LRRTM4: variants seen among roughly 807,000 people sequenced by gnomAD.
LRRTM4 encodes the protein leucine-rich repeat transmembrane neuronal protein 4.
In LRRTM4, 25 loss-of-function variants were observed where a neutral mutation model predicts 47.6. The observed-to-expected ratio is 0.53, with a 90% CI of 0.38 to 0.73. LRRTM4 has a LOEUF of 0.73. LRRTM4 is among the 30% of genes least tolerant of loss of function. The pLI, the probability that LRRTM4 is intolerant of heterozygous loss-of-function variation, is 0.00. For missense variants in LRRTM4, 638 were observed against 713.4 expected, an observed-to-expected ratio of 0.89 and a Z score of 1.20; for synonymous variants, 311 against 269.5, an observed-to-expected ratio of 1.15 and a Z score of -1.51.
intron 3 of LRRTM4, among the ~76,000 whole-genome samples, chr2:76,776,770 C>T: frequency 3.5e-5 from 5 of 143,020 alleles, no homozygotes; most frequent in African/African-American, 1.0e-4. Context: ...TAATTAGATC[C>T]CATTTGTCAA....
rs140195243 is a variant in LRRTM4 at position 76,888,111 on chromosome 2, T to C, written c.1552-139195A>G. Among the ~76,000 whole-genome samples the C allele has an allele frequency of 2.5e-4, 37 of 150,880 alleles. 1 individual carries two copies. The highest frequency in any genetic ancestry group is 2.1e-3 in the East Asian group (11 of 5,142). ...TATATAGTGTGTGTGTATATATACA[T>C]ATGTATACATATGTGTGTGTATATA... On this transcript the variant is annotated intron_variant, in intron 3 of 3. Transcript: ENST00000409884.
intron 3 of LRRTM4, among the ~76,000 whole-genome samples, chr2:76,904,713 A>T (rs1250651974): frequency 1.3e-5 from 2 of 152,050 alleles, no homozygotes; most frequent in Non-Finnish European, 2.9e-5. Flanking sequence ...TGACACTCAA[A>T]CTCCATACAC....
At chr2:76,841,281 G>C (rs1012038019) in intron 3 of LRRTM4, among the ~76,000 whole-genome samples, 9 of 151,096 alleles carry the variant, frequency 6.0e-5, no homozygotes, top group African/African-American at 2.4e-5. Flanking sequence ...GTTGTGGGGT[G>C]GGGGGAGTGG....
chr2:77,447,531 C>T (rs777978665), intron 3 of LRRTM4, among the ~76,000 whole-genome samples: 2 of 152,124 alleles, frequency 1.3e-5, no homozygotes, highest in Non-Finnish European at 2.9e-5. Context: ...ATTTCAATAA[C>T]CCTCCTTCTG....
At position 77,304,048 on chromosome 2, in the gene LRRTM4, G is replaced by T. The variant is rs186420835; in HGVS notation, c.1551+214270C>A. On this transcript the variant is annotated intron_variant, in intron 3 of 3. Transcript: ENST00000409884. ...AAACCTCCATACTGGTTTTCATAAT[G>T]GCTTTATTAATTTACATTCCCACCA... 5.7e-3 allele frequency among the ~76,000 whole-genome samples: 869 copies of T among 152,144 alleles called. 9 individuals are homozygous for T. The highest frequency in any genetic ancestry group is 5.4e-3 in the Non-Finnish European group (370 of 67,966).
At chr2:76,880,013 G>A (rs1672883916) in intron 3 of LRRTM4, among the ~76,000 whole-genome samples, 1 of 152,214 alleles carries the variant, frequency 6.6e-6, no homozygotes, top group Admixed American at 6.5e-5. Flanking sequence ...ATGAGGAGAT[G>A]CTCCTAATGG....
intron 3 of LRRTM4, among the ~76,000 whole-genome samples, chr2:77,293,519 G>C (rs985172341): frequency 6.6e-6 from 1 of 152,064 alleles, no homozygotes; most frequent in African/African-American, 2.4e-5. Context: ...TATTATTATT[G>C]ACATTCTCTT....
At chr2:77,201,177 T>TA (rs1332056367) in intron 3 of LRRTM4, among the ~76,000 whole-genome samples, 3 of 152,106 alleles carry the variant, frequency 2.0e-5, no homozygotes, top group Non-Finnish European at 4.4e-5. Context: ...AGAAAGAAAT[T>TA]AAAAACCTTT....
chr2:77,249,576 T>G (rs1408880898), intron 3 of LRRTM4, among the ~76,000 whole-genome samples: 1 of 152,140 alleles, frequency 6.6e-6, no homozygotes, highest in Non-Finnish European at 1.5e-5. Context: ...ATATTCCATA[T>G]TATATGTCAT....
intron 3 of LRRTM4, among the ~76,000 whole-genome samples, chr2:77,407,693 T>C (rs1209085378): frequency 7.4e-6 from 1 of 135,668 alleles, no homozygotes; most frequent in Non-Finnish European, 1.5e-5. Context: ...TAATATAATA[T>C]ATGATATATA....
At chr2:77,218,199 G>T (rs1242043578) in intron 3 of LRRTM4, among the ~76,000 whole-genome samples, 1 of 151,978 alleles carries the variant, frequency 6.6e-6, no homozygotes. Context: ...TCTTCATGTT[G>T]GTCAGGCTGG....
intron 3 of LRRTM4, among the ~76,000 whole-genome samples, chr2:76,878,327 A>T (rs1178933307): frequency 6.6e-6 from 1 of 152,028 alleles, no homozygotes; most frequent in Non-Finnish European, 1.5e-5. Flanking sequence ...CTGAGAGGCA[A>T]CCATATTGAA....
chr2:76,891,645 G>T lies in LRRTM4; in HGVS notation c.1552-142729C>A, dbSNP rs574509255. On this transcript the variant is annotated intron_variant, in intron 3 of 3. Coordinates refer to ENST00000409884, the MANE Select transcript of LRRTM4 (RefSeq NM_001134745.3). ...GAAAATACAGACTTTTTACCTAAAA[G>T]GTATTAGACGATTAGACTTTCATGT... Among the ~76,000 whole-genome samples, 20 of 151,612 alleles carry T rather than the reference G, an allele frequency of 1.3e-4. No individual in the cohort carries two copies. In the East Asian group the frequency reaches 2.7e-3, roughly 21 times the overall value.
intron 3 of LRRTM4, among the ~76,000 whole-genome samples, chr2:76,803,377 C>G (rs1256732928): frequency 6.6e-6 from 1 of 151,964 alleles, no homozygotes. Context: ...CAGGGAAATG[C>G]AAATTTAAAC....
At chr2:77,462,922 C>T (rs1319133162) in intron 3 of LRRTM4, among the ~76,000 whole-genome samples, 1 of 148,438 alleles carries the variant, frequency 6.7e-6, no homozygotes. Context: ...GGGTGGGGGG[C>T]AAATATTATG....
rs561642283 is a variant in LRRTM4 at position 77,482,162 on chromosome 2, T to C, written c.1551+36156A>G. The stretch of plus-strand genomic sequence containing the variant: ...AAGAAGATAATAGATGAAGGAAGCA[T>C]GTTATGAATGACCATAGAGGATTCT... On this transcript the variant is annotated intron_variant, in intron 3 of 3. Transcript: ENST00000409884. 5.9e-5 allele frequency among the ~76,000 whole-genome samples: 9 copies of C among 152,200 alleles called. No individual in the cohort carries two copies. In the South Asian group the frequency reaches 1.5e-3, roughly 25 times the overall value.
chr2:76,907,825 A>T (rs1331601382), intron 3 of LRRTM4, among the ~76,000 whole-genome samples: 8 of 138,272 alleles, frequency 5.8e-5, no homozygotes, highest in Admixed American at 3.7e-4. Flanking sequence ...GACCAATAAC[A>T]GGAGCTGAAA....
intron 3 of LRRTM4, among the ~76,000 whole-genome samples, chr2:77,368,714 T>C (rs1672546570): frequency 6.6e-6 from 1 of 151,806 alleles, no homozygotes; most frequent in South Asian, 2.1e-4. Context: ...GTTACAGTCT[T>C]ACTCCATTGT....
chr2:76,867,513 T>A (rs528469766), intron 3 of LRRTM4, among the ~76,000 whole-genome samples: 1 of 152,320 alleles, frequency 6.6e-6, no homozygotes, highest in African/African-American at 2.4e-5. Context: ...TGTGTTTTAA[T>A]TTTTTGTTAG....
Sources: allele counts gnomAD v4.1 joint callset (sites outside exome capture counted in the v4.1 genomes callset), GRCh38; gene constraint gnomAD v4.1.1; transcripts MANE v1.5; gene names NCBI Gene and HGNC (gene_info 2026-07-23, HGNC 2026-07-21).